DOCK4: variants seen among roughly 807,000 people sequenced by gnomAD.
DOCK4 encodes the protein dedicator of cytokinesis protein 4.
In DOCK4, 97 loss-of-function variants were observed where a neutral mutation model predicts 268.1. That is an observed-to-expected ratio of 0.36 (90% CI 0.31 to 0.43). The LOEUF (loss-of-function observed/expected upper bound fraction) is 0.43, where lower values mean the gene tolerates loss of function less well. Among genes scored for constraint, DOCK4 ranks in the 20% least tolerant of loss-of-function variants. The pLI is 1.00. For missense variants in DOCK4, 2,145 were observed against 2,455.7 expected, an observed-to-expected ratio of 0.87 and a Z score of 2.67; for synonymous variants, 954 against 887.2, an observed-to-expected ratio of 1.08 and a Z score of -1.34.
chr7:111,814,610 T>G (rs948560353), intron 27 of DOCK4, among the ~76,000 whole-genome samples: 4 of 152,210 alleles, frequency 2.6e-5, no homozygotes, highest in Admixed American at 6.5e-5. Flanking sequence ...CGGATGCTAA[T>G]GCTGTTGGTT....
chr7:111,881,331 A>G (rs1415213036), intron 16 of DOCK4, among the ~76,000 whole-genome samples: 1 of 152,240 alleles, frequency 6.6e-6, no homozygotes, highest in Non-Finnish European at 1.5e-5. Flanking sequence ...GGTGCTCAAC[A>G]TCACTGATCA....
chr7:112,187,395 T>C (rs983733255), intron 1 of DOCK4, among the ~76,000 whole-genome samples: 2 of 152,336 alleles, frequency 1.3e-5, no homozygotes, highest in East Asian at 3.9e-4. Flanking sequence ...TCTTTGTCTG[T>C]GCAACAGCCA....
At chr7:111,915,553 T>C (rs1243557524) in intron 13 of DOCK4, among the ~76,000 whole-genome samples, 1 of 152,144 alleles carries the variant, frequency 6.6e-6, no homozygotes, top group Non-Finnish European at 1.5e-5. Flanking sequence ...ATTTTTGAGC[T>C]TCAAATCACT....
intron 1 of DOCK4, among the ~76,000 whole-genome samples, chr7:112,193,385 C>T (rs1372095817): frequency 6.6e-6 from 1 of 151,872 alleles, no homozygotes; most frequent in African/African-American, 2.4e-5. Context: ...CACTTGAGCC[C>T]AGGAGTTCAA....
At chr7:111,737,655 G>A (rs1033451304) in intron 49 of DOCK4, among the ~76,000 whole-genome samples, 1 of 152,014 alleles carries the variant, frequency 6.6e-6, no homozygotes, top group Non-Finnish European at 1.5e-5. Flanking sequence ...TTAAATAGAA[G>A]GTACCAAGTC....
At chr7:111,779,483 C>T (rs745687556) in intron 35 of DOCK4, among the ~76,000 whole-genome samples, 17 of 152,114 alleles carry the variant, frequency 1.1e-4, no homozygotes, top group Non-Finnish European at 5.9e-5. Context: ...CTGCAACCTC[C>T]GCCTTCCGAG....
At chr7:112,204,879 TAA>T (rs1224926338) in intron 1 of DOCK4, among the ~76,000 whole-genome samples, 80 of 84,166 alleles carry the variant, frequency 9.5e-4, no homozygotes, top group Admixed American at 3.3e-3. Context: ...TCCTCAATTT[TAA>T]AACACACACA....
In DOCK4 at chr7:111,728,533, G is replaced by T. The variant is rs374365937; in HGVS notation, c.5669C>A (p.Pro1890Gln). The T allele has an allele frequency of 6.2e-7, 1 of 1,613,706 alleles. No individual in the cohort carries two copies. Among genetic ancestry groups the T allele is most frequent in the Non-Finnish European group, 8.5e-7 (1 of 1,179,832 alleles). ...EQSAPLPVPV[P>Q]VPVPSYGGEE... is the part of the protein sequence containing the mutation. ...CCCGCCGTAGCTCGGCACGGGCACC[G>T]GCACTGGCACCGGCAGGGGGGCCGA... is the stretch of plus-strand genomic sequence containing the variant. Residue 1890 changes from proline (P) to glutamine (Q), a missense_variant, in exon 53 of 53, where the codon CCG becomes CAG. Physicochemically the swap from Pro to Gln is moderately conservative, Grantham distance 76. Coordinates refer to ENST00000428084, the MANE Select transcript of DOCK4 (RefSeq NM_001363540.2).
intron 16 of DOCK4, among the ~76,000 whole-genome samples, chr7:111,881,473 T>C (rs1030757820): frequency 6.6e-6 from 1 of 152,198 alleles, no homozygotes; most frequent in Non-Finnish European, 1.5e-5. Context: ...ACACTTTTGA[T>C]GGGAATGTCA....
At chr7:111,870,784 T>C (rs1002525853) in intron 20 of DOCK4, among the ~76,000 whole-genome samples, 2 of 152,094 alleles carry the variant, frequency 1.3e-5, no homozygotes, top group African/African-American at 2.4e-5. Flanking sequence ...CCACAAGCCT[T>C]ATTTGTCTTT....
chr7:111,895,765 G>A, intron 15 of DOCK4, 47 bp from the exon 16 acceptor site: 1 of 1,539,788 alleles, frequency 6.5e-7, no homozygotes, highest in South Asian at 1.1e-5. Context: ...CTATGTTCAG[G>A]TACATAGTTT....
chr7:111,936,485 AATGGATGG>A (rs56276228), intron 11 of DOCK4, among the ~76,000 whole-genome samples: 2,168 of 148,152 alleles, frequency 0.015, 11 homozygotes, highest in African/African-American at 0.021. Context: ...CAGTGGTATG[AATGGATGG>A]ATGGATGGAT....
At chr7:111,942,461 T>C (rs1223260509) in intron 10 of DOCK4, among the ~76,000 whole-genome samples, 1 of 152,196 alleles carries the variant, frequency 6.6e-6, no homozygotes, top group Admixed American at 6.5e-5. Flanking sequence ...TTCAGCTCTC[T>C]TATTCTTTGA....
intron 26 of DOCK4, among the ~76,000 whole-genome samples, chr7:111,832,210 A>T (rs1802873503): frequency 6.6e-6 from 1 of 152,184 alleles, no homozygotes; most frequent in African/African-American, 2.4e-5. Context: ...AGCCAAATAT[A>T]TATCTAGCAC....
chr7:111,884,580 A>T (rs1362640186), intron 16 of DOCK4, among the ~76,000 whole-genome samples: 1 of 152,202 alleles, frequency 6.6e-6, no homozygotes, highest in African/African-American at 2.4e-5. Flanking sequence ...TGTGGGAGAC[A>T]CCCTGAGAGA....
rs71529492 is a variant in DOCK4, at chr7:111,995,413, TTGTGTGTGTGTGTGTG to T, written c.219-1198_219-1183del. Among the ~76,000 whole-genome samples, 135 of 116,988 alleles carry T rather than the reference TTGTGTGTGTGTGTGTG, an allele frequency of 1.2e-3. 1 individual carries two copies. Among genetic ancestry groups the T allele is most frequent in the Non-Finnish European group, 1.7e-3 (100 of 60,178 alleles). The allele number at this position is 116,988 out of a possible 152,430, so 76.7% of individuals were successfully genotyped here. ...CAGTTTCTTTTTTCAAATTCTTTCT[TTGTGTGTGTGTGTGTG>T]TGTGTGTGTGTGTGTGTGTGTGTGT... On this transcript the variant is annotated intron_variant, in intron 4 of 52. Coordinates refer to ENST00000428084, the MANE Select transcript of DOCK4 (RefSeq NM_001363540.2).
chr7:111,911,362 T>C (rs763386219), intron 13 of DOCK4, among the ~76,000 whole-genome samples: 2 of 152,214 alleles, frequency 1.3e-5, no homozygotes, highest in Non-Finnish European at 2.9e-5. Context: ...AATGATTGCA[T>C]GTTTCCTAGT....
chr7:112,106,086 A>G (rs1811128147), intron 1 of DOCK4, among the ~76,000 whole-genome samples: 1 of 152,240 alleles, frequency 6.6e-6, no homozygotes, highest in Non-Finnish European at 1.5e-5. Flanking sequence ...GCTTGTGGCA[A>G]GAGAAGAGTG....
At chr7:111,950,554 T>C (rs959344293) in intron 8 of DOCK4, among the ~76,000 whole-genome samples, 5 of 152,232 alleles carry the variant, frequency 3.3e-5, no homozygotes, top group African/African-American at 4.8e-5. Context: ...TAGTGAATGA[T>C]TTGGTATTCT....
Sources: allele counts gnomAD v4.1 joint callset (sites outside exome capture counted in the v4.1 genomes callset), GRCh38; gene constraint gnomAD v4.1.1; transcripts MANE v1.5; gene names NCBI Gene and HGNC (gene_info 2026-07-23, HGNC 2026-07-21).